Variants in KIAA1549 observed in about 807,000 individuals in gnomAD.
KIAA1549 encodes KIAA1549.
In KIAA1549, 70 loss-of-function variants were observed where a neutral mutation model predicts 156.4. The ratio of observed to expected loss-of-function variants is 0.45; its 90% CI spans 0.37 to 0.55. The LOEUF (loss-of-function observed/expected upper bound fraction) is 0.55. KIAA1549 is among the 20% of genes least tolerant of loss of function. KIAA1549 has a pLI of 0.00. For synonymous variants in KIAA1549, 1,103 were observed against 1,066.4 expected (o/e 1.03, Z -0.67); for missense variants, 2,428 against 2,540.9 (o/e 0.96, Z 0.96).
intron 1 of KIAA1549, among the ~76,000 whole-genome samples, chr7:138,962,125 G>C (rs6948532): frequency 0.065 from 9,862 of 152,122 alleles, 346 homozygotes; most frequent in Middle Eastern, 0.095. Context: ...AATTGTACTG[G>C]ATAGGGTTAT....
chr7:138,862,044 A>C (rs138944784), intron 15 of KIAA1549, among the ~76,000 whole-genome samples: 8 of 152,200 alleles, frequency 5.3e-5, no homozygotes. Flanking sequence ...GAAAGCCCCT[A>C]AACAGCCAAA....
chr7:138,908,189 G>A (rs1014216826), intron 5 of KIAA1549, among the ~76,000 whole-genome samples: 1 of 135,572 alleles, frequency 7.4e-6, no homozygotes, highest in African/African-American at 2.7e-5. Context: ...CTAACAGCAC[G>A]AAAGCAAAGC....
At chr7:138,911,794 T>C (rs1812177026) in intron 3 of KIAA1549, among the ~76,000 whole-genome samples, 1 of 152,214 alleles carries the variant, frequency 6.6e-6, no homozygotes, top group South Asian at 2.1e-4. Context: ...ACCCTCCTTT[T>C]TTCACTGCAT....
intron 1 of KIAA1549, among the ~76,000 whole-genome samples, chr7:138,964,942 GTGTTTTTTTTCTT>G: frequency 6.6e-6 from 1 of 151,484 alleles, no homozygotes; most frequent in Non-Finnish European, 1.5e-5. Flanking sequence ...GCTCATAGCA[GTGTTTTTTTTCTT>G]TGTTTTTTTT....
intron 1 of KIAA1549, among the ~76,000 whole-genome samples, chr7:138,949,597 A>C (rs1235144347): frequency 2.6e-5 from 4 of 152,126 alleles, no homozygotes; most frequent in Non-Finnish European, 4.4e-5. Context: ...CAAACACCTA[A>C]ACCAGTATTC....
chr7:138,898,157 A>G lies in KIAA1549; in HGVS notation c.3847+798T>C, dbSNP rs547405877. ...CCCCGTCTCCACTAATAATACAAAA[A>G]TTAGCTGGGCATGGTGGTGTGCTCC... On this transcript the variant is annotated intron_variant, in intron 9 of 19. Transcript: ENST00000422774. 9.9e-5 allele frequency among the ~76,000 whole-genome samples: 15 copies of G among 151,804 alleles called. No homozygotes were observed. In the East Asian group the frequency reaches 2.9e-3, roughly 30 times the overall value.
Position 138,918,550 on chromosome 7 carries a change from G to C in KIAA1549, c.1076C>G (p.Ser359Cys). The C allele has an allele frequency of 6.2e-7, 1 of 1,614,058 alleles. No individual in the cohort carries two copies. The highest frequency in any genetic ancestry group is 8.5e-7 in the Non-Finnish European group (1 of 1,179,900). The change falls in exon 2 of 20, where the codon TCT becomes TGT. Residue 359 changes from serine (S) to cysteine (C), a missense_variant. Ser to Cys is a moderately radical substitution (Grantham distance 112, BLOSUM62 -1). Around this residue, in one of 5 missense-constraint regions of KIAA1549, gnomAD observed 893 missense variants for 847.9 expected, o/e 1.05. Coordinates refer to ENST00000422774, the MANE Select transcript of KIAA1549 (RefSeq NM_001164665.2). The surrounding 1 kb of genome is among the most constrained non-coding windows in gnomAD (Gnocchi z 4.2). Reference sequence around the variant, plus strand: ...TGCAAGAGGAGTTGAAAGCAATGGAGAATGTGTCCTGCTGAATGCAAGGGC... The same window carrying C: ...TGCAAGAGGAGTTGAAAGCAATGGACAATGTGTCCTGCTGAATGCAAGGGC... ...HAALAFSRTHSPLLSTPLAFA... is the reference protein window; with the variant it reads ...HAALAFSRTHCPLLSTPLAFA...
chr7:138,976,876 G>A (rs1175960608), intron 1 of KIAA1549, among the ~76,000 whole-genome samples: 1 of 152,210 alleles, frequency 6.6e-6, no homozygotes, highest in Non-Finnish European at 1.5e-5. Flanking sequence ...CTAATTTAGA[G>A]GCTAAGGGTG....
chr7:138,913,990 G>A (rs929071996), intron 2 of KIAA1549, among the ~76,000 whole-genome samples: 2 of 148,048 alleles, frequency 1.4e-5, no homozygotes, highest in Non-Finnish European at 3.0e-5. Flanking sequence ...GAGGGAGGGA[G>A]AGGAGGGAGA....
intron 10 of KIAA1549, among the ~76,000 whole-genome samples, chr7:138,888,725 A>C (rs6944423): frequency 6.6e-6 from 1 of 152,132 alleles, no homozygotes. Context: ...TAAAAAATCC[A>C]TTCTGTGTGA....
At position 138,899,047 on chromosome 7, in the gene KIAA1549, C is replaced by T; in HGVS notation, c.3755G>A (p.Ser1252Asn). Reference protein sequence around the residue: ...FVEDQDGERLSAVKSSDLINK... With the variant: ...FVEDQDGERLNAVKSSDLINK... ...AATCAGGTCCGAAGACTTGACTGCA[C>T]TGAGTCTTTCTCCATCTTGATCCTC... Residue 1252 changes from serine to asparagine, a missense_variant, in exon 9 of 20, where the codon AGT (serine) becomes AAT (asparagine). Physicochemically the swap from Ser to Asn is conservative, Grantham distance 46 (BLOSUM62 1). This residue lies in a region of KIAA1549 where 762 missense variants were observed against 901.6 expected (regional missense o/e 0.85). Transcript: ENST00000422774. 1 of 1,613,500 alleles carries T rather than the reference C, an allele frequency of 6.2e-7. No homozygotes were observed. Among genetic ancestry groups the T allele is most frequent in the Non-Finnish European group, 8.5e-7 (1 of 1,179,460 alleles).
At chr7:138,898,080 A>G (rs749190079) in intron 9 of KIAA1549, among the ~76,000 whole-genome samples, 2 of 151,826 alleles carry the variant, frequency 1.3e-5, no homozygotes, top group African/African-American at 2.4e-5. Flanking sequence ...AGGCCAAGGC[A>G]GGCAGATCAC....
chr7:138,933,193 A>T (rs546683783), intron 1 of KIAA1549, among the ~76,000 whole-genome samples: 3 of 152,308 alleles, frequency 2.0e-5, no homozygotes, highest in African/African-American at 7.2e-5. Flanking sequence ...TGAGGCAGGG[A>T]AGGGAGATGG....
Position 138,868,096 on chromosome 7 carries a change from C to T in KIAA1549, c.4808G>A (p.Arg1603Gln), listed in dbSNP as rs1398523931. 15 of 1,613,700 alleles carry T rather than the reference C, an allele frequency of 9.3e-6. No homozygotes were observed. The highest frequency in any genetic ancestry group is 2.2e-5 in the East Asian group (1 of 44,882). ...AGGACAGCCGTTGACCTGGTGTTTC[C>T]GGCGAGGCTTGGGAGAACGTTTTAT... ...SRIKRSPKPR[R>Q]KHQVNGCPAD... The change falls in exon 15 of 20, where the codon CGG becomes CAG. Residue 1603 changes from arginine to glutamine, a missense_variant. Arg to Gln is a conservative substitution (Grantham distance 43). This residue lies in a region of KIAA1549 where 404 missense variants were observed against 417.0 expected (regional missense o/e 0.97). Transcript: ENST00000422774.
chr7:138,927,520 T>A (rs1812754943), intron 1 of KIAA1549, among the ~76,000 whole-genome samples: 1 of 152,202 alleles, frequency 6.6e-6, no homozygotes. Flanking sequence ...TGCCAGTAGT[T>A]CCAGCTACTC....
In KIAA1549 at chr7:138,837,326, G is replaced by A. The variant is rs1020134870; in HGVS notation, c.*580C>T. ...AGAATGCGGGTGATGGCTTTGTTTG[G>A]AGTCATCAGGCTCTACAACCTATCA... On this transcript the variant is annotated 3_prime_UTR_variant, in exon 20 of 20. Coordinates refer to ENST00000422774, the MANE Select transcript of KIAA1549 (RefSeq NM_001164665.2). The A allele has an allele frequency of 6.6e-5, 15 of 228,588 alleles. No individual in the cohort carries two copies. The highest frequency in any genetic ancestry group is 1.1e-4 in the Non-Finnish European group (13 of 115,346). The allele number at this position is 228,588 out of a possible 1,614,324, so 14.2% of individuals were successfully genotyped here.
rs371002751 is a variant in KIAA1549, at chr7:138,976,304, T to C, written c.187+4779A>G. ...GTTGGCCAGGCTGGTCTCCAACTCC[T>C]GACCTCAGGTGATCCCAAAGTGTTG... On this transcript the variant is annotated intron_variant, in intron 1 of 19. Coordinates refer to ENST00000422774, the MANE Select transcript of KIAA1549 (RefSeq NM_001164665.2). Among the ~76,000 whole-genome samples the C allele has an allele frequency of 2.0e-5, 3 of 152,306 alleles. No individual in the cohort carries two copies. The South Asian group carries it at 6.2e-4, about 32-fold the overall frequency.
intron 1 of KIAA1549, among the ~76,000 whole-genome samples, chr7:138,948,383 A>T (rs539350390): frequency 6.6e-6 from 1 of 152,228 alleles, no homozygotes; most frequent in African/African-American, 2.4e-5. Context: ...CAGGCCTGCC[A>T]GCAAATGCCC....
At chr7:138,975,478 G>C (rs1814347744) in intron 1 of KIAA1549, among the ~76,000 whole-genome samples, 1 of 152,094 alleles carries the variant, frequency 6.6e-6, no homozygotes, top group South Asian at 2.1e-4. Flanking sequence ...ATGTTGACTT[G>C]ATATGTAGGA....
Sources: gnomAD v4.1 joint callset for allele counts (sites outside exome capture counted in the v4.1 genomes callset) on GRCh38, gnomAD v4.1.1 for gene constraint, gnomAD v4.1.1 regional missense constraint, Gnocchi (gnomAD v3.1) non-coding constraint, MANE v1.5 for transcripts, NCBI Gene and HGNC (gene_info 2026-07-23, HGNC 2026-07-21) for gene names.